Variants in PIK3C3 observed in about 807,000 individuals in gnomAD.
PIK3C3 encodes the protein phosphatidylinositol 3-kinase catalytic subunit type 3, also known as PI3-kinase type 3.
In PIK3C3, 95 loss-of-function variants were observed where a neutral mutation model predicts 126.1. The ratio of observed to expected loss-of-function variants is 0.75; its 90% CI spans 0.64 to 0.89. PIK3C3 has a LOEUF of 0.89. PIK3C3 is among the 40% of genes least tolerant of loss of function. The probability of loss-of-function intolerance (pLI) is 0.00; values close to 1 mark genes in which losing one functional copy is unlikely to be tolerated. For missense variants in PIK3C3, 829 were observed against 1,063.2 expected (o/e 0.78, Z 3.06); for synonymous variants, 374 against 360.0 (o/e 1.04, Z -0.44).
intron 20 of PIK3C3, 102 bp downstream of exon 20, chr18:42,043,919 A>G: frequency 2.7e-6 from 2 of 736,360 alleles, no homozygotes; most frequent in Non-Finnish European, 2.3e-6. Context: ...TAATATTTAA[A>G]TGCTCTATAG....
intron 7 of PIK3C3, among the ~76,000 whole-genome samples, chr18:41,994,594 A>T (rs1248032257): frequency 6.6e-6 from 1 of 152,182 alleles, no homozygotes; most frequent in Non-Finnish European, 1.5e-5. Flanking sequence ...GTATGCATGG[A>T]AATCTAGTAT....
At position 41,970,275 on chromosome 18, in the gene PIK3C3, G is replaced by A. The variant is rs931537056; in HGVS notation, c.402-52G>A. On this transcript the variant is annotated intron_variant, in intron 3 of 24. Coordinates refer to ENST00000262039, the MANE Select transcript of PIK3C3 (RefSeq NM_002647.4). ...TATTTTTAGGAATCTAAAATTTCCT[G>A]TAATGAACTGTATTAATTTACTTCT... 3.9e-5 allele frequency: 60 copies of A among 1,524,128 alleles called. No individual in the cohort carries two copies. The African/African-American group carries it at 7.2e-4, about 18-fold the overall frequency. The allele number at this position is 1,524,128 out of a possible 1,614,324, so 94.4% of individuals were successfully genotyped here. A position where few individuals can be genotyped will look rare whatever the true frequency, so the allele number is the denominator to read the frequency against.
chr18:41,977,339 G>T (rs77266542), intron 4 of PIK3C3, among the ~76,000 whole-genome samples: 149 of 152,284 alleles, frequency 9.8e-4, no homozygotes, highest in African/African-American at 3.3e-3. Context: ...ACTGAAAAAG[G>T]TGTATGTTGT....
intron 2 of PIK3C3, 42 bp downstream of exon 2, chr18:41,957,800 T>TA (rs1166475753): frequency 2.1e-6 from 3 of 1,441,986 alleles, no homozygotes; most frequent in Middle Eastern, 1.8e-4. Flanking sequence ...AGACTGTTCT[T>TA]ACCTTTCTTT....
At chr18:41,996,056 T>G in intron 8 of PIK3C3, 62 bp downstream of exon 8, 8 of 1,038,622 alleles carry the variant, frequency 7.7e-6, no homozygotes, top group Non-Finnish European at 1.2e-5. Flanking sequence ...TTGAAACTGA[T>G]AGCTATCACC....
At position 42,004,462 on chromosome 18, in the gene PIK3C3, T is replaced by A. The variant is rs773623478; in HGVS notation, c.1091T>A (p.Leu364Ter). 1 of 1,613,778 alleles carries A rather than the reference T, an allele frequency of 6.2e-7. No homozygotes were observed. Among genetic ancestry groups the A allele is most frequent in the South Asian group, 1.1e-5 (1 of 91,020 alleles). ...KWKPMDVEDSLELLSSHYTNP... is the reference protein window; with the variant it reads ...KWKPMDVEDS The stretch of plus-strand genomic sequence containing the variant: ...AAGCCGATGGATGTAGAGGACTCCT[T>A]GGAGCTGTTATCCTCTCATTACACC... Residue 364 changes from leucine (L) to a stop codon, truncating the protein, a stop_gained, in exon 10 of 25, where the codon TTG (leucine) becomes TAG (stop). Transcript: ENST00000262039. LOFTEE classifies it high-confidence loss of function.
intron 23 of PIK3C3, among the ~76,000 whole-genome samples, chr18:42,066,546 G>A (rs1346243252): frequency 2.0e-5 from 3 of 152,236 alleles, no homozygotes; most frequent in African/African-American, 7.2e-5. Context: ...TTCTTGAGCC[G>A]GCTTCGTGAA....
intron 9 of PIK3C3, among the ~76,000 whole-genome samples, chr18:42,001,893 A>G (rs1982309125): frequency 1.3e-5 from 2 of 152,168 alleles, no homozygotes; most frequent in South Asian, 4.1e-4. Flanking sequence ...TCCACATTCA[A>G]CCTAGAAATA....
chr18:42,022,416 CAG>C (rs1469926209), intron 13 of PIK3C3, among the ~76,000 whole-genome samples: 1 of 152,098 alleles, frequency 6.6e-6, no homozygotes, highest in Non-Finnish European at 1.5e-5. Context: ...ACAGTTTGCT[CAG>C]AGTGATGGTT....
intron 22 of PIK3C3, among the ~76,000 whole-genome samples, chr18:42,063,182 T>C (rs1985393994): frequency 6.6e-6 from 1 of 152,286 alleles, no homozygotes; most frequent in South Asian, 2.1e-4. Context: ...TTTCCTGTTG[T>C]TTTTTTCTCT....
chr18:42,029,495 A>G lies in PIK3C3; in HGVS notation c.1707+54A>G, dbSNP rs906898147. ...TAATAGCATCTTGGCATCAGAAAAT[A>G]CTGAATTTTCACTATTGTCTTTTTG... On this transcript the variant is annotated intron_variant, in intron 15 of 24. Coordinates refer to ENST00000262039, the MANE Select transcript of PIK3C3 (RefSeq NM_002647.4). The G allele has an allele frequency of 6.2e-5, 60 of 966,642 alleles. No individual in the cohort carries two copies. The Admixed American group carries it at 1.0e-3, about 17-fold the overall frequency. 59.9% of individuals were successfully genotyped at this position (966,642 alleles called of 1,614,324 possible).
chr18:42,030,084 C>G (rs1983756546), intron 15 of PIK3C3, among the ~76,000 whole-genome samples: 1 of 152,094 alleles, frequency 6.6e-6, no homozygotes, highest in Non-Finnish European at 1.5e-5. Flanking sequence ...ATCCACAGTG[C>G]TTTACCACCT....
chr18:42,036,795 T>C (rs939283041), intron 16 of PIK3C3, among the ~76,000 whole-genome samples: 2 of 152,166 alleles, frequency 1.3e-5, no homozygotes, highest in African/African-American at 4.8e-5. Flanking sequence ...GTCTTAAAGC[T>C]GCACAACTAG....
intron 10 of PIK3C3, among the ~76,000 whole-genome samples, chr18:42,009,077 T>C: frequency 6.6e-6 from 1 of 152,184 alleles, no homozygotes. Context: ...CCATTAAACA[T>C]ATTGTTTAAT....
chr18:41,995,647 C>T (rs189324209), intron 7 of PIK3C3, among the ~76,000 whole-genome samples: 44 of 152,036 alleles, frequency 2.9e-4, no homozygotes, highest in African/African-American at 1.0e-3. Flanking sequence ...AGTGAAGGGA[C>T]GATGTTTTAA....
At chr18:41,989,865 A>G (rs981470809) in intron 5 of PIK3C3, among the ~76,000 whole-genome samples, 2 of 152,118 alleles carry the variant, frequency 1.3e-5, no homozygotes, top group African/African-American at 4.8e-5. Context: ...ACTTTTTTTT[A>G]TGTTGGAACA....
chr18:42,057,831 C>G lies in PIK3C3; in HGVS notation c.2264-52C>G, dbSNP rs1429928884. On this transcript the variant is annotated intron_variant, in intron 21 of 24. Coordinates refer to ENST00000262039, the MANE Select transcript of PIK3C3 (RefSeq NM_002647.4). ...ATCAATTGTGTGACATATCACCTAC[C>G]CAGTTCTTTAAGATAATTCTGGAAA... 35 of 1,511,620 alleles carry G rather than the reference C, an allele frequency of 2.3e-5. No individual in the cohort carries two copies. In the East Asian group the frequency reaches 7.3e-4, roughly 31 times the overall value. The allele number at this position is 1,511,620 out of a possible 1,614,324, so 93.6% of individuals were successfully genotyped here. A position where few individuals can be genotyped will look rare whatever the true frequency, so the allele number is the denominator to read the frequency against.
intron 21 of PIK3C3, 146 bp from the exon 22 acceptor site, chr18:42,057,737 T>A: frequency 1.5e-6 from 1 of 683,694 alleles, no homozygotes; most frequent in Non-Finnish European, 2.4e-6. Context: ...AAACCTGCAG[T>A]TAGAAATATC....
intron 4 of PIK3C3, among the ~76,000 whole-genome samples, chr18:41,984,259 G>A (rs1598867423): frequency 6.6e-6 from 1 of 151,928 alleles, no homozygotes; most frequent in Non-Finnish European, 1.5e-5. Flanking sequence ...TGTGTCTATT[G>A]TTCATTTTTG....
Sources: gnomAD v4.1 joint callset for allele counts (sites outside exome capture counted in the v4.1 genomes callset) on GRCh38, gnomAD v4.1.1 for gene constraint, MANE v1.5 for transcripts, NCBI Gene and HGNC (gene_info 2026-07-23, HGNC 2026-07-21) for gene names.